The following CADPS2 variants were observed in gnomAD, a reference collection of about 807,000 sequenced individuals.
The protein encoded by CADPS2 is calcium dependent secretion activator 2, also known as calcium-dependent secretion activator 2.
CADPS2 carries 93 observed loss-of-function variants against 172.5 expected under a neutral mutation model. The observed-to-expected ratio is 0.54, with a 90% CI of 0.46 to 0.64. The LOEUF (loss-of-function observed/expected upper bound fraction) is 0.64. CADPS2 is among the 30% of genes least tolerant of loss of function. The pLI is 0.00. For missense variants in CADPS2, 1,420 were observed against 1,565.9 expected (o/e 0.91, Z 1.57); for synonymous variants, 546 against 555.2 (o/e 0.98, Z 0.23).
chr7:122,453,581 G>A lies in CADPS2; in HGVS notation c.2187-2106C>T, dbSNP rs7789426. On this transcript the variant is annotated intron_variant, in intron 14 of 29. Transcript: ENST00000449022. Reference sequence around the variant, plus strand: ...GTGATTATTTCACTGAATATCCCTAGGCAAATTGATAAAAAGAGCAAATAA... The same window carrying A: ...GTGATTATTTCACTGAATATCCCTAAGCAAATTGATAAAAAGAGCAAATAA... Among the ~76,000 whole-genome samples the A allele has an allele frequency of 3.9e-3, 596 of 152,206 alleles. 5 individuals are homozygous for A. Among genetic ancestry groups the A allele is most frequent in the African/African-American group, 0.014 (566 of 41,532 alleles).
intron 2 of CADPS2, 34 bp from the exon 3 acceptor site, chr7:122,663,603 A>G: frequency 6.7e-7 from 1 of 1,484,970 alleles, no homozygotes; most frequent in Non-Finnish European, 9.1e-7. Context: ...AAAACAAAAA[A>G]CAATTACAAT....
intron 1 of CADPS2, among the ~76,000 whole-genome samples, chr7:122,864,449 G>A (rs1190781854): frequency 2.6e-5 from 4 of 151,506 alleles, no homozygotes; most frequent in African/African-American, 4.9e-5. Flanking sequence ...CACTGCACTC[G>A]AGCCTGGGCA....
intron 11 of CADPS2, among the ~76,000 whole-genome samples, chr7:122,481,282 C>A (rs201237790): frequency 3.0e-4 from 46 of 150,960 alleles, no homozygotes; most frequent in African/African-American, 1.1e-3. Flanking sequence ...CAGAGGTCTG[C>A]CCTGATTTAA....
At chr7:122,811,392 T>C (rs1210497234) in intron 1 of CADPS2, among the ~76,000 whole-genome samples, 1 of 152,228 alleles carries the variant, frequency 6.6e-6, no homozygotes, top group Non-Finnish European at 1.5e-5. Flanking sequence ...TCTTTGGATA[T>C]GTTGATGAAC....
intron 25 of CADPS2, among the ~76,000 whole-genome samples, chr7:122,367,834 A>C (rs2041177008): frequency 6.8e-6 from 1 of 146,276 alleles, no homozygotes; most frequent in Non-Finnish European, 1.5e-5. Context: ...AATAGGGTTG[A>C]GTTCCTTTCT....
At chr7:122,760,686 A>G (rs1044797601) in intron 1 of CADPS2, among the ~76,000 whole-genome samples, 2 of 151,808 alleles carry the variant, frequency 1.3e-5, no homozygotes. Flanking sequence ...GCTGGAAACC[A>G]TTATTCTCAG....
At chr7:122,417,894 G>A (rs2048108709) in intron 17 of CADPS2, among the ~76,000 whole-genome samples, 1 of 152,182 alleles carries the variant, frequency 6.6e-6, no homozygotes, top group African/African-American at 2.4e-5. Flanking sequence ...GGTGCATTTT[G>A]GAGGAAGGTG....
At chr7:122,381,807 A>C (rs1184303920) in intron 24 of CADPS2, among the ~76,000 whole-genome samples, 1 of 152,178 alleles carries the variant, frequency 6.6e-6, no homozygotes, top group Non-Finnish European at 1.5e-5. Context: ...ACAAACACAT[A>C]CAATGTTAAA....
intron 1 of CADPS2, among the ~76,000 whole-genome samples, chr7:122,774,000 T>C (rs771445492): frequency 6.6e-6 from 1 of 152,062 alleles, no homozygotes; most frequent in Non-Finnish European, 1.5e-5. Flanking sequence ...TCAAAGTTTT[T>C]ATTAATAGGC....
At chr7:122,695,361 G>A (rs118111263) in intron 2 of CADPS2, among the ~76,000 whole-genome samples, 72 of 152,272 alleles carry the variant, frequency 4.7e-4, no homozygotes, top group Non-Finnish European at 9.0e-4. Context: ...GACAAGATAT[G>A]TTTGCATCAC....
At chr7:122,800,193 G>C (rs1006958682) in intron 1 of CADPS2, among the ~76,000 whole-genome samples, 11 of 152,136 alleles carry the variant, frequency 7.2e-5, no homozygotes, top group African/African-American at 2.4e-4. Flanking sequence ...TATAATACTA[G>C]TTTTATTCCT....
At chr7:122,629,355 T>C (rs1210111114) in intron 3 of CADPS2, 27 bp from the exon 4 acceptor site, 2 of 1,570,502 alleles carry the variant, frequency 1.3e-6, no homozygotes, top group Non-Finnish European at 1.7e-6. Flanking sequence ...AAGTTACACA[T>C]ATGTAATTAC....
At chr7:122,792,279 G>A (rs548407115) in intron 1 of CADPS2, among the ~76,000 whole-genome samples, 2 of 152,270 alleles carry the variant, frequency 1.3e-5, no homozygotes, top group South Asian at 4.1e-4. Flanking sequence ...GTATTTGGAG[G>A]TGGGCTCTTA....
chr7:122,760,030 A>C (rs2093323918), intron 1 of CADPS2, among the ~76,000 whole-genome samples: 1 of 151,806 alleles, frequency 6.6e-6, no homozygotes, highest in East Asian at 1.9e-4. Flanking sequence ...CAGCACATAT[A>C]TTTACCTATG....
At chr7:122,794,757 A>G (rs2139771373) in intron 1 of CADPS2, among the ~76,000 whole-genome samples, 1 of 152,012 alleles carries the variant, frequency 6.6e-6, no homozygotes, top group Non-Finnish European at 1.5e-5. Flanking sequence ...CATTTTAAAA[A>G]AAAAAAAAAA....
chr7:122,455,354 A>G (rs977897518), intron 14 of CADPS2, among the ~76,000 whole-genome samples: 3 of 152,120 alleles, frequency 2.0e-5, no homozygotes, highest in Non-Finnish European at 4.4e-5. Context: ...ATCCTACATG[A>G]AAGTGTATTT....
chr7:122,569,439 G>GA (rs1390631103), intron 7 of CADPS2, among the ~76,000 whole-genome samples: 1 of 151,874 alleles, frequency 6.6e-6, no homozygotes, highest in Non-Finnish European at 1.5e-5. Context: ...TCAATACCGT[G>GA]AAAATGGCCA....
intron 2 of CADPS2, among the ~76,000 whole-genome samples, chr7:122,665,031 C>A (rs866209019): frequency 1.5e-4 from 23 of 151,180 alleles, no homozygotes; most frequent in Middle Eastern, 6.8e-3. Flanking sequence ...AACTCCTAGG[C>A]TCAGGCAATC....
chr7:122,549,446 T>C (rs2063978419), intron 8 of CADPS2, among the ~76,000 whole-genome samples: 1 of 152,046 alleles, frequency 6.6e-6, no homozygotes, highest in South Asian at 2.1e-4. Context: ...CGTGTGATTG[T>C]ATAATTAGCC....
Sources: gnomAD v4.1 joint callset for allele counts (sites outside exome capture counted in the v4.1 genomes callset) on GRCh38, gnomAD v4.1.1 for gene constraint, MANE v1.5 for transcripts, NCBI Gene and HGNC (gene_info 2026-07-23, HGNC 2026-07-21) for gene names.